Variants in GPC6 observed in about 807,000 individuals in gnomAD.
The protein encoded by GPC6 is glypican-6.
A neutral mutation model predicts 55.2 loss-of-function variants in GPC6; 14 were observed. The observed-to-expected ratio is 0.25, with a 90% CI of 0.17 to 0.40. The LOEUF is 0.40. Ranked by LOEUF, GPC6 falls within the 10% of genes least tolerant of loss-of-function variation. The pLI, the probability that GPC6 is intolerant of heterozygous loss-of-function variation, is 1.00. For missense variants in GPC6, 641 were observed against 708.5 expected, an observed-to-expected ratio of 0.90 and a Z score of 1.08; for synonymous variants, 278 against 259.6, an observed-to-expected ratio of 1.07 and a Z score of -0.68.
rs551920344 is a variant in GPC6 at position 93,737,323 on chromosome 13, G to C, written c.320-92831G>C. On this transcript the variant is annotated intron_variant, in intron 2 of 8. Transcript: ENST00000377047. ...AAGCCATATTACTCATTTAATTAAG[G>C]CTTTGATGAAAGTGCTTAAGATTTT... Among the ~76,000 whole-genome samples the C allele has an allele frequency of 5.3e-5, 8 of 152,186 alleles. 1 individual carries two copies. The South Asian group carries it at 1.5e-3, about 28-fold the overall frequency.
intron 2 of GPC6, among the ~76,000 whole-genome samples, chr13:93,743,440 A>C (rs1227448436): frequency 6.6e-6 from 1 of 152,198 alleles, no homozygotes; most frequent in African/African-American, 2.4e-5. Flanking sequence ...AGACTTTGAA[A>C]TGTATTATCT....
chr13:94,013,178 T>C (rs1230233637), intron 3 of GPC6, among the ~76,000 whole-genome samples: 1 of 151,566 alleles, frequency 6.6e-6, no homozygotes, highest in Non-Finnish European at 1.5e-5. Flanking sequence ...TTTATTCTAA[T>C]GAATGAAAAA....
At chr13:93,691,583 T>A (rs1882259108) in intron 2 of GPC6, among the ~76,000 whole-genome samples, 1 of 152,028 alleles carries the variant, frequency 6.6e-6, no homozygotes, top group Admixed American at 6.6e-5. Context: ...GAAACACTTT[T>A]TTCAGATTCA....
intron 1 of GPC6, among the ~76,000 whole-genome samples, chr13:93,269,693 A>G (rs1304361383): frequency 6.6e-6 from 1 of 151,318 alleles, no homozygotes; most frequent in East Asian, 1.9e-4. Flanking sequence ...TGGGAGGCCA[A>G]GGTGGGCGGA....
intron 2 of GPC6, among the ~76,000 whole-genome samples, chr13:93,649,367 G>T (rs566663016): frequency 6.6e-6 from 1 of 152,098 alleles, no homozygotes; most frequent in East Asian, 1.9e-4. Context: ...TTAGAGGATC[G>T]CTTGAGCCAA....
intron 2 of GPC6, among the ~76,000 whole-genome samples, chr13:93,631,012 A>AT (rs1240235165): frequency 6.6e-6 from 1 of 152,212 alleles, no homozygotes; most frequent in African/African-American, 2.4e-5. Context: ...TACTGCACAC[A>AT]TACAGTAGTC....
At chr13:94,073,668 A>G (rs1228272843) in intron 4 of GPC6, among the ~76,000 whole-genome samples, 1 of 152,190 alleles carries the variant, frequency 6.6e-6, no homozygotes, top group Non-Finnish European at 1.5e-5. Flanking sequence ...AGGTCCAAGT[A>G]TCAGGTGGTT....
intron 3 of GPC6, among the ~76,000 whole-genome samples, chr13:93,972,015 C>A (rs1319583349): frequency 6.6e-6 from 1 of 152,110 alleles, no homozygotes; most frequent in Non-Finnish European, 1.5e-5. Context: ...CAGATCCATC[C>A]CTTAGGCAGA....
intron 1 of GPC6, among the ~76,000 whole-genome samples, chr13:93,327,005 TGAGAA>T (rs1389239732): frequency 6.6e-6 from 1 of 152,200 alleles, no homozygotes; most frequent in Non-Finnish European, 1.5e-5. Context: ...ACAAAACAGT[TGAGAA>T]GGAATCTTCA....
chr13:93,839,563 C>T (rs540179753), intron 3 of GPC6, among the ~76,000 whole-genome samples: 5 of 152,176 alleles, frequency 3.3e-5, no homozygotes, highest in Non-Finnish European at 5.9e-5. Flanking sequence ...GGCTTATCAC[C>T]GTTTACACTG....
intron 4 of GPC6, among the ~76,000 whole-genome samples, chr13:94,136,040 G>A (rs1248564026): frequency 2.0e-5 from 3 of 152,094 alleles, no homozygotes; most frequent in Admixed American, 6.5e-5. Flanking sequence ...TTTAGGAAAT[G>A]GATAAAAGGT....
intron 1 of GPC6, among the ~76,000 whole-genome samples, chr13:93,413,893 T>A (rs980420236): frequency 1.3e-5 from 2 of 152,212 alleles, no homozygotes; most frequent in Non-Finnish European, 2.9e-5. Flanking sequence ...TTCTTCAAAA[T>A]ACCTATAGTA....
chr13:93,430,141 A>G (rs1566352813), intron 1 of GPC6, among the ~76,000 whole-genome samples: 1 of 152,146 alleles, frequency 6.6e-6, no homozygotes, highest in East Asian at 1.9e-4. Context: ...AGAAAAATAA[A>G]TGACAAATTA....
chr13:94,151,314 C>A lies in GPC6; in HGVS notation c.877+123420C>A, dbSNP rs79415318. Among the ~76,000 whole-genome samples the A allele has an allele frequency of 1.2e-3, 187 of 152,216 alleles. 4 individuals are homozygous for A. In the East Asian group the frequency reaches 0.034, roughly 28 times the overall value. On this transcript the variant is annotated intron_variant, in intron 4 of 8. Coordinates refer to ENST00000377047, the MANE Select transcript of GPC6 (RefSeq NM_005708.5). ...TTGGATGAGCTATTCTCTATGAAAACCACATTTTTATCATAACTGGAAAAG... is the reference window on the plus strand; with the variant it reads ...TTGGATGAGCTATTCTCTATGAAAAACACATTTTTATCATAACTGGAAAAG...
intron 2 of GPC6, among the ~76,000 whole-genome samples, chr13:93,787,351 G>A (rs1167237618): frequency 6.6e-6 from 1 of 152,202 alleles, no homozygotes; most frequent in Non-Finnish European, 1.5e-5. Flanking sequence ...TGCCATTAAA[G>A]CATGAAAGCA....
chr13:93,692,231 A>G (rs1594376274), intron 2 of GPC6, among the ~76,000 whole-genome samples: 1 of 152,116 alleles, frequency 6.6e-6, no homozygotes, highest in Non-Finnish European at 1.5e-5. Flanking sequence ...ACATGACTGA[A>G]TGAAGCATAT....
At chr13:93,843,426 G>A (rs1239840935) in intron 3 of GPC6, among the ~76,000 whole-genome samples, 1 of 152,082 alleles carries the variant, frequency 6.6e-6, no homozygotes, top group Non-Finnish European at 1.5e-5. Flanking sequence ...GAAAAGAAAG[G>A]ATGGGTATAT....
intron 2 of GPC6, among the ~76,000 whole-genome samples, chr13:93,648,082 C>A (rs746503595): frequency 3.3e-5 from 5 of 152,080 alleles, no homozygotes; most frequent in Non-Finnish European, 7.3e-5. Context: ...ATGAACTGCC[C>A]TTGTCAACAC....
chr13:93,811,767 G>C (rs1216041472), intron 2 of GPC6, among the ~76,000 whole-genome samples: 1 of 152,152 alleles, frequency 6.6e-6, no homozygotes, highest in African/African-American at 2.4e-5. Context: ...GGAAGGAATT[G>C]CTGTGTGATT....
Sources: gnomAD v4.1 joint callset for allele counts (sites outside exome capture counted in the v4.1 genomes callset) on GRCh38, gnomAD v4.1.1 for gene constraint, MANE v1.5 for transcripts, NCBI Gene and HGNC (gene_info 2026-07-23, HGNC 2026-07-21) for gene names.